Variants in ZRANB3 observed in about 807,000 individuals in gnomAD.
The protein encoded by ZRANB3 is DNA annealing helicase and endonuclease ZRANB3.
Under a neutral mutation model 133.8 loss-of-function variants are expected in ZRANB3, and 125 were observed. The observed-to-expected ratio is 0.93, with a 90% CI of 0.81 to 1.08. ZRANB3 has a LOEUF of 1.08. Ranked by LOEUF, ZRANB3 falls within the 50% of genes least tolerant of loss-of-function variation. The pLI is 0.00. For missense variants in ZRANB3, 1,229 were observed against 1,275.5 expected (o/e 0.96, Z 0.56); for synonymous variants, 387 against 432.7 (o/e 0.89, Z 1.31).
rs1324321983 is a variant in ZRANB3, at chr2:135,296,281, T to G, written c.966+17208A>C. Among the ~76,000 whole-genome samples, 4 of 152,328 alleles carry G rather than the reference T, an allele frequency of 2.6e-5. 1 individual carries two copies. Among genetic ancestry groups the G allele is most frequent in the Admixed American group, 2.0e-4 (3 of 15,310 alleles). Reference sequence around the variant, plus strand: ...TGTTGGAGGCTTTGTTCATTTCTTTTTATTCTTTTTTCTCTAAACTTTTCT... The same window carrying G: ...TGTTGGAGGCTTTGTTCATTTCTTTGTATTCTTTTTTCTCTAAACTTTTCT... On this transcript the variant is annotated intron_variant, in intron 8 of 20. Transcript: ENST00000264159.
intron 1 of ZRANB3, among the ~76,000 whole-genome samples, chr2:135,521,089 AAGAAAATTTAAAAGTTC>A (rs1010414851): frequency 2.6e-5 from 4 of 152,228 alleles, no homozygotes; most frequent in Non-Finnish European, 5.9e-5. Flanking sequence ...CGTTAAGGAC[AAGAAAATTTAAAAGTTC>A]AGAAATGTTA....
At chr2:135,337,081 G>A (rs1684402438) in intron 6 of ZRANB3, among the ~76,000 whole-genome samples, 1 of 152,162 alleles carries the variant, frequency 6.6e-6, no homozygotes, top group South Asian at 2.1e-4. Flanking sequence ...TCAGAGTCCA[G>A]GAAGGCTCCT....
intron 6 of ZRANB3, among the ~76,000 whole-genome samples, chr2:135,331,894 T>G (rs1684163703): frequency 6.6e-6 from 1 of 152,128 alleles, no homozygotes; most frequent in African/African-American, 2.4e-5. Flanking sequence ...AAAATGTTTT[T>G]TTCTATGTGT....
chr2:135,282,036 T>C (rs1326066082), intron 8 of ZRANB3, among the ~76,000 whole-genome samples: 3 of 152,246 alleles, frequency 2.0e-5, no homozygotes, highest in African/African-American at 7.2e-5. Context: ...CAGCACTTCA[T>C]TTCTTTTTTA....
rs1694603175 is a variant in ZRANB3 at position 135,531,216 on chromosome 2, T to C, written c.-97A>G. The C allele has an allele frequency of 6.6e-6, 1 of 152,296 alleles. No individual in the cohort carries two copies. Among genetic ancestry groups the C allele is most frequent in the South Asian group, 2.1e-4 (1 of 4,832 alleles). The allele number at this position is 152,296 out of a possible 1,614,324, so 9.4% of individuals were successfully genotyped here. On this transcript the variant is annotated 5_prime_UTR_variant, in exon 1 of 21. Coordinates refer to ENST00000264159, the MANE Select transcript of ZRANB3 (RefSeq NM_032143.4). ...CTTTTACAAGTGGGCAAAATGGCTGTCCTCCTAGTTTTACCATTGGTTGGC... is the reference window on the plus strand; with the variant it reads ...CTTTTACAAGTGGGCAAAATGGCTGCCCTCCTAGTTTTACCATTGGTTGGC...
chr2:135,527,685 A>G (rs748293190), intron 1 of ZRANB3, among the ~76,000 whole-genome samples: 2 of 152,266 alleles, frequency 1.3e-5, no homozygotes, highest in Non-Finnish European at 2.9e-5. Flanking sequence ...GAGCTATACA[A>G]TAAAGTAGCT....
chr2:135,329,694 T>C (rs1357128051), intron 6 of ZRANB3, among the ~76,000 whole-genome samples: 1 of 152,244 alleles, frequency 6.6e-6, no homozygotes, highest in Non-Finnish European at 1.5e-5. Flanking sequence ...TCCATGAGCA[T>C]GGAATGTTCT....
chr2:135,525,400 T>A (rs573586117), intron 1 of ZRANB3, among the ~76,000 whole-genome samples: 4 of 152,280 alleles, frequency 2.6e-5, no homozygotes, highest in South Asian at 4.1e-4. Context: ...AACTTAGAAA[T>A]CACAGAGTAT....
intron 2 of ZRANB3, among the ~76,000 whole-genome samples, chr2:135,495,777 G>A (rs1341641980): frequency 2.0e-5 from 3 of 152,128 alleles, no homozygotes; most frequent in Non-Finnish European, 2.9e-5. Context: ...CTGAGTGATG[G>A]TAATGTTTTA....
intron 9 of ZRANB3, among the ~76,000 whole-genome samples, chr2:135,275,192 A>G: frequency 6.6e-6 from 1 of 150,886 alleles, no homozygotes; most frequent in East Asian, 2.0e-4. Flanking sequence ...ACTTCCCAGA[A>G]GGGGCGGCCG....
chr2:135,457,009 G>A (rs1690550091), intron 2 of ZRANB3, among the ~76,000 whole-genome samples: 1 of 152,178 alleles, frequency 6.6e-6, no homozygotes. Context: ...AGATTTTAAT[G>A]TATTCACAAA....
intron 3 of ZRANB3, among the ~76,000 whole-genome samples, chr2:135,383,511 A>G (rs1476778243): frequency 3.9e-5 from 6 of 152,224 alleles, no homozygotes; most frequent in African/African-American, 1.4e-4. Flanking sequence ...AGACATCTAC[A>G]GAACTCTCCA....
intron 3 of ZRANB3, among the ~76,000 whole-genome samples, chr2:135,374,808 A>G (rs1686347122): frequency 6.6e-6 from 1 of 152,078 alleles, no homozygotes; most frequent in Admixed American, 6.6e-5. Context: ...GACCTAAAAC[A>G]TATCTAATAA....
chr2:135,305,901 T>C (rs949996977), intron 8 of ZRANB3, among the ~76,000 whole-genome samples: 49 of 152,290 alleles, frequency 3.2e-4, no homozygotes, highest in African/African-American at 1.2e-3. Flanking sequence ...GCAAATTGAA[T>C]ATATTATCCT....
chr2:135,506,441 G>C (rs755264018), intron 1 of ZRANB3, among the ~76,000 whole-genome samples: 2 of 151,720 alleles, frequency 1.3e-5, no homozygotes, highest in African/African-American at 4.8e-5. Context: ...AGGAGGGAAC[G>C]GTGTAAGATG....
At chr2:135,260,114 C>T (rs575865145) in intron 12 of ZRANB3, among the ~76,000 whole-genome samples, 2 of 152,282 alleles carry the variant, frequency 1.3e-5, no homozygotes, top group African/African-American at 4.8e-5. Flanking sequence ...AACAGCCTTT[C>T]GTTGCTTAGA....
intron 2 of ZRANB3, among the ~76,000 whole-genome samples, chr2:135,428,367 T>C (rs753531524): frequency 1.4e-5 from 2 of 140,218 alleles, no homozygotes; most frequent in Non-Finnish European, 3.0e-5. Context: ...CACTTGAACC[T>C]GGGAGCCAAG....
chr2:135,285,792 T>C (rs546831429), intron 8 of ZRANB3, among the ~76,000 whole-genome samples: 1 of 152,346 alleles, frequency 6.6e-6, no homozygotes, highest in Non-Finnish European at 1.5e-5. Context: ...GTAATGTACT[T>C]GAATTGAGAG....
intron 2 of ZRANB3, among the ~76,000 whole-genome samples, chr2:135,440,970 C>CA (rs1689754264): frequency 6.6e-6 from 1 of 151,992 alleles, no homozygotes; most frequent in South Asian, 2.1e-4. Context: ...AATGAAGCCT[C>CA]AGACAGAGAC....
Sources: gnomAD v4.1 joint callset for allele counts (sites outside exome capture counted in the v4.1 genomes callset) on GRCh38, gnomAD v4.1.1 for gene constraint, MANE v1.5 for transcripts, NCBI Gene and HGNC (gene_info 2026-07-23, HGNC 2026-07-21) for gene names.